The following CDH18 variants were observed in gnomAD, a reference collection of about 807,000 sequenced individuals.
CDH18 encodes the protein cadherin-18.
In CDH18, 31 loss-of-function variants were observed where a neutral mutation model predicts 67.9. That is an observed-to-expected ratio of 0.46 (90% CI 0.34 to 0.62). The LOEUF (loss-of-function observed/expected upper bound fraction) is 0.62, where lower values mean the gene tolerates loss of function less well. Among genes scored for constraint, CDH18 ranks in the 20% least tolerant of loss-of-function variants. The probability of loss-of-function intolerance (pLI) is 0.01; values close to 1 mark genes in which losing one functional copy is unlikely to be tolerated. For missense variants in CDH18, 890 were observed against 975.5 expected, an observed-to-expected ratio of 0.91 and a Z score of 1.17; for synonymous variants, 362 against 347.2, an observed-to-expected ratio of 1.04 and a Z score of -0.48.
intron 2 of CDH18, among the ~76,000 whole-genome samples, chr5:20,103,698 A>G (rs927042440): frequency 1.5e-4 from 22 of 151,506 alleles, no homozygotes; most frequent in African/African-American, 4.8e-4. Context: ...GTGCCACTGC[A>G]CTCCAACCTG....
rs767540862 is a variant in CDH18, at chr5:19,473,440, A to C, written c.2159T>G (p.Leu720Arg). 2 of 1,613,832 alleles carry C rather than the reference A, an allele frequency of 1.2e-6. No individual in the cohort carries two copies. Among genetic ancestry groups the C allele is most frequent in the Admixed American group, 3.3e-5 (2 of 59,912 alleles). Residue 720 changes from leucine to arginine, a missense_variant, in exon 13 of 13, where the codon CTG becomes CGG. Transcript: ENST00000382275. Reference sequence around the variant, plus strand: ...GCTAGGGTCTAGGTCTGCTTCTGCCAGTCTTTGCTTAATAAATTCCTGAAC... The same window carrying C: ...GCTAGGGTCTAGGTCTGCTTCTGCCCGTCTTTGCTTAATAAATTCCTGAAC... ...IDVQEFIKQR[L>R]AEADLDPSVP... is the part of the protein sequence containing the mutation.
At chr5:19,691,216 C>T (rs1015235157) in intron 5 of CDH18, among the ~76,000 whole-genome samples, 2 of 151,582 alleles carry the variant, frequency 1.3e-5, no homozygotes, top group African/African-American at 4.8e-5. Context: ...ATTAACATTC[C>T]TAACATTCCT....
chr5:19,898,214 G>A (rs984443379), intron 2 of CDH18, among the ~76,000 whole-genome samples: 1 of 151,860 alleles, frequency 6.6e-6, no homozygotes, highest in Non-Finnish European at 1.5e-5. Context: ...ATATCCAAGA[G>A]TATGCCATAT....
intron 4 of CDH18, among the ~76,000 whole-genome samples, chr5:19,744,428 C>T (rs1180062556): frequency 3.3e-5 from 5 of 151,340 alleles, no homozygotes; most frequent in African/African-American, 1.2e-4. Flanking sequence ...TTACTTTATG[C>T]CTTATGATTC....
chr5:19,579,279 C>T (rs1561391292), intron 7 of CDH18, among the ~76,000 whole-genome samples: 2 of 151,944 alleles, frequency 1.3e-5, no homozygotes, highest in Non-Finnish European at 2.9e-5. Context: ...GAATGGCTCA[C>T]TTTAGGATTG....
chr5:19,669,731 A>C (rs1300139816), intron 5 of CDH18, among the ~76,000 whole-genome samples: 1 of 152,202 alleles, frequency 6.6e-6, no homozygotes, highest in Admixed American at 6.6e-5. Context: ...CAGGATAACA[A>C]GAAGGGCAAG....
chr5:20,229,433 G>A (rs1741893622), intron 2 of CDH18, among the ~76,000 whole-genome samples: 1 of 151,940 alleles, frequency 6.6e-6, no homozygotes, highest in Admixed American at 6.6e-5. Flanking sequence ...TGGAAAATGT[G>A]CTCCCAGGGT....
Position 20,210,090 on chromosome 5 carries a change from A to G in CDH18, c.-518+45354T>C, listed in dbSNP as rs533722378. On this transcript the variant is annotated intron_variant, in intron 2 of 14. Coordinates refer to the CDH18 transcript ENST00000507958. ...TAACTTTTAAAAATAACTTAGACAT[A>G]GTTACTCCATCCAGTTTCTCAATAT... 2.8e-3 allele frequency among the ~76,000 whole-genome samples: 429 copies of G among 151,806 alleles called. 1 individual carries two copies. The highest frequency in any genetic ancestry group is 4.7e-3 in the Non-Finnish European group (316 of 67,802).
intron 2 of CDH18, among the ~76,000 whole-genome samples, chr5:19,900,089 T>A (rs1478579123): frequency 6.6e-6 from 1 of 152,192 alleles, no homozygotes; most frequent in Non-Finnish European, 1.5e-5. Context: ...TATGTAGTCA[T>A]ACATTCTTAT....
chr5:20,026,408 C>T (rs753348865), intron 2 of CDH18, among the ~76,000 whole-genome samples: 3 of 152,052 alleles, frequency 2.0e-5, no homozygotes, highest in Non-Finnish European at 2.9e-5. Flanking sequence ...ATACAAGTGC[C>T]AAACCTACAA....
intron 1 of CDH18, among the ~76,000 whole-genome samples, chr5:20,310,819 G>T (rs1042541771): frequency 6.6e-6 from 1 of 152,040 alleles, no homozygotes; most frequent in East Asian, 1.9e-4. Flanking sequence ...CTACTGGATT[G>T]CTCTTCCTCA....
chr5:19,672,212 T>A (rs1758844953), intron 5 of CDH18, among the ~76,000 whole-genome samples: 1 of 152,100 alleles, frequency 6.6e-6, no homozygotes. Context: ...ATCCCCTAGT[T>A]ATAAGAGGCC....
chr5:19,861,134 T>G (rs1323127329), intron 2 of CDH18, among the ~76,000 whole-genome samples: 1 of 152,184 alleles, frequency 6.6e-6, no homozygotes, highest in Non-Finnish European at 1.5e-5. Context: ...TATTAGCAAG[T>G]GAAGGTCTCA....
intron 1 of CDH18, among the ~76,000 whole-genome samples, chr5:20,356,818 TAC>T (rs1741662845): frequency 6.7e-6 from 1 of 149,330 alleles, no homozygotes; most frequent in Admixed American, 6.7e-5. Flanking sequence ...TATGTATATA[TAC>T]ACATATATAC....
At chr5:20,511,211 G>A (rs1017316134) in intron 1 of CDH18, among the ~76,000 whole-genome samples, 4 of 152,018 alleles carry the variant, frequency 2.6e-5, no homozygotes, top group Non-Finnish European at 5.9e-5. Context: ...AGAAGAAAAA[G>A]CTTTTACTTT....
chr5:20,366,618 C>T (rs545489145), intron 1 of CDH18, among the ~76,000 whole-genome samples: 45 of 152,272 alleles, frequency 3.0e-4, no homozygotes, highest in African/African-American at 1.0e-3. Flanking sequence ...GGCTTTACCT[C>T]TTAATGCCTC....
At chr5:20,363,407 C>T (rs944074131) in intron 1 of CDH18, among the ~76,000 whole-genome samples, 4 of 146,836 alleles carry the variant, frequency 2.7e-5, no homozygotes, top group African/African-American at 2.6e-5. Context: ...ATCACTTGAA[C>T]CTGGGAGGCA....
chr5:20,281,606 T>C (rs1746282017), intron 1 of CDH18, among the ~76,000 whole-genome samples: 1 of 152,212 alleles, frequency 6.6e-6, no homozygotes, highest in Non-Finnish European at 1.5e-5. Context: ...TTTTGGTTAC[T>C]GTAGCCTTGT....
chr5:19,642,121 C>T (rs1393305758), intron 5 of CDH18, among the ~76,000 whole-genome samples: 1 of 151,736 alleles, frequency 6.6e-6, no homozygotes, highest in East Asian at 1.9e-4. Context: ...TTGGAATAAA[C>T]TTGAAGAGGC....
Sources: allele counts gnomAD v4.1 joint callset (sites outside exome capture counted in the v4.1 genomes callset), GRCh38; gene constraint gnomAD v4.1.1; transcripts MANE v1.5; gene names NCBI Gene and HGNC (gene_info 2026-07-23, HGNC 2026-07-21).